Variants in CEP112 observed in about 807,000 individuals in gnomAD.
CEP112 encodes the protein centrosomal protein of 112 kDa.
In CEP112, 127 loss-of-function variants were observed where a neutral mutation model predicts 153.0. The observed-to-expected ratio is 0.83, with a 90% CI of 0.72 to 0.96. The LOEUF is 0.96. Among genes scored for constraint, CEP112 ranks in the 40% least tolerant of loss-of-function variants. CEP112 has a pLI of 0.00. For missense variants in CEP112, 1,089 were observed against 1,101.2 expected (o/e 0.99, Z 0.16); for synonymous variants, 358 against 374.4 (o/e 0.96, Z 0.51).
At chr17:66,058,118 G>T (rs2066774466) in intron 11 of CEP112, among the ~76,000 whole-genome samples, 1 of 150,890 alleles carries the variant, frequency 6.6e-6, no homozygotes, top group Non-Finnish European at 1.5e-5. Flanking sequence ...CTTCAAGCAG[G>T]TTTACGTATT....
intron 16 of CEP112, among the ~76,000 whole-genome samples, chr17:66,015,693 T>C (rs1319535897): frequency 6.6e-6 from 1 of 152,226 alleles, no homozygotes; most frequent in Non-Finnish European, 1.5e-5. Context: ...TCTGGACATT[T>C]ATAAAAATCA....
intron 19 of CEP112, among the ~76,000 whole-genome samples, chr17:65,903,757 T>C (rs1218683728): frequency 6.6e-6 from 1 of 152,162 alleles, no homozygotes; most frequent in Non-Finnish European, 1.5e-5. Context: ...TCAAAAAGCT[T>C]ATCCACCATG....
At chr17:66,102,962 G>A (rs971804850) in intron 6 of CEP112, among the ~76,000 whole-genome samples, 8 of 151,972 alleles carry the variant, frequency 5.3e-5, no homozygotes, top group Non-Finnish European at 8.8e-5. Flanking sequence ...GGTGGCTCAC[G>A]CCTGTAATCC....
At chr17:65,822,992 T>A (rs1432250631) in intron 21 of CEP112, among the ~76,000 whole-genome samples, 2 of 152,084 alleles carry the variant, frequency 1.3e-5, no homozygotes, top group East Asian at 3.9e-4. Context: ...TTCAATATCA[T>A]CTAACAAAAT....
intron 22 of CEP112, among the ~76,000 whole-genome samples, chr17:65,745,735 C>G (rs1210411106): frequency 1.3e-5 from 2 of 152,014 alleles, no homozygotes; most frequent in African/African-American, 4.8e-5. Flanking sequence ...TTCATATATC[C>G]ACAACTGCAG....
At position 65,664,062 on chromosome 17, in the gene CEP112, A is replaced by G. The variant is rs560437139; in HGVS notation, c.2698-22997T>C. 5.9e-5 allele frequency among the ~76,000 whole-genome samples: 9 copies of G among 152,286 alleles called. No homozygotes were observed. The East Asian group carries it at 1.5e-3, about 26-fold the overall frequency. Reference sequence around the variant, plus strand: ...CTCTGTCTCAAAAAAATAAATAAATAAAAAATAAAATAAACATTATACATC... The same window carrying G: ...CTCTGTCTCAAAAAAATAAATAAATGAAAAATAAAATAAACATTATACATC... On this transcript the variant is annotated intron_variant, in intron 24 of 26. Transcript: ENST00000535342.
At chr17:65,879,136 T>A (rs938431866) in intron 20 of CEP112, among the ~76,000 whole-genome samples, 2 of 152,232 alleles carry the variant, frequency 1.3e-5, no homozygotes, top group Non-Finnish European at 2.9e-5. Flanking sequence ...CAAATATGAT[T>A]AAATCAATGA....
intron 8 of CEP112, among the ~76,000 whole-genome samples, chr17:66,082,977 T>A (rs891221321): frequency 3.3e-5 from 5 of 152,174 alleles, no homozygotes; most frequent in African/African-American, 4.8e-5. Context: ...ATGGAAGTTG[T>A]ATTTTATTAA....
At chr17:65,938,276 A>G in intron 18 of CEP112, among the ~76,000 whole-genome samples, 1 of 142,752 alleles carries the variant, frequency 7.0e-6, no homozygotes, top group Admixed American at 7.3e-5. Context: ...GGACACAAAC[A>G]CTGCGAAAGC....
chr17:65,682,228 G>A (rs544094259), intron 24 of CEP112, among the ~76,000 whole-genome samples: 18 of 152,064 alleles, frequency 1.2e-4, no homozygotes, highest in Middle Eastern at 6.8e-3. Flanking sequence ...TCCTGATCTC[G>A]TAATCCACCC....
chr17:65,903,863 C>T (rs1353186512), intron 19 of CEP112, among the ~76,000 whole-genome samples: 1 of 150,466 alleles, frequency 6.6e-6, no homozygotes. Flanking sequence ...TCACAAAAAA[C>T]ACATGATTAA....
At chr17:65,763,286 A>G (rs896181020) in intron 21 of CEP112, among the ~76,000 whole-genome samples, 3 of 151,904 alleles carry the variant, frequency 2.0e-5, no homozygotes, top group Admixed American at 6.6e-5. Flanking sequence ...CTAGGTGTGT[A>G]GCATGTTTTT....
intron 24 of CEP112, among the ~76,000 whole-genome samples, chr17:65,662,902 T>C (rs1033857843): frequency 3.3e-5 from 5 of 152,160 alleles, no homozygotes; most frequent in African/African-American, 9.7e-5. Context: ...GTTTTTGCTT[T>C]ATTTCCAACC....
At chr17:66,089,130 G>C (rs2068046056) in intron 8 of CEP112, among the ~76,000 whole-genome samples, 1 of 152,194 alleles carries the variant, frequency 6.6e-6, no homozygotes, top group African/African-American at 2.4e-5. Context: ...GGGACTGTAG[G>C]AGAGAGCCCA....
intron 24 of CEP112, among the ~76,000 whole-genome samples, chr17:65,662,282 C>T (rs2046426216): frequency 6.6e-6 from 1 of 152,164 alleles, no homozygotes; most frequent in Non-Finnish European, 1.5e-5. Flanking sequence ...AAGATAAGTA[C>T]ACTGTTACTG....
intron 23 of CEP112, among the ~76,000 whole-genome samples, chr17:65,706,758 A>C (rs1270795362): frequency 2.0e-5 from 3 of 152,152 alleles, no homozygotes; most frequent in African/African-American, 7.2e-5. Context: ...CGGCCTTCCA[A>C]ATATTTCTCC....
At chr17:65,648,511 A>G (rs530011226) in intron 24 of CEP112, among the ~76,000 whole-genome samples, 1 of 152,332 alleles carries the variant, frequency 6.6e-6, no homozygotes, top group South Asian at 2.1e-4. Context: ...GAAGACCAAG[A>G]CCATCCCTAA....
intron 17 of CEP112, among the ~76,000 whole-genome samples, chr17:65,965,998 T>C (rs1342855809): frequency 6.6e-6 from 1 of 151,706 alleles, no homozygotes; most frequent in Non-Finnish European, 1.5e-5. Context: ...ATGATCCCAA[T>C]AGTGCATCCT....
intron 16 of CEP112, among the ~76,000 whole-genome samples, chr17:66,015,608 A>T (rs2064735448): frequency 6.6e-6 from 1 of 152,196 alleles, no homozygotes; most frequent in Non-Finnish European, 1.5e-5. Context: ...AAGTTTCTCT[A>T]TTGTTTTATG....
Sources: allele counts gnomAD v4.1 joint callset (sites outside exome capture counted in the v4.1 genomes callset), GRCh38; gene constraint gnomAD v4.1.1; transcripts MANE v1.5; gene names NCBI Gene and HGNC (gene_info 2026-07-23, HGNC 2026-07-21).